Variants in ANO3 observed in about 807,000 individuals in gnomAD.
ANO3 encodes the protein anoctamin-3.
In ANO3, 99 loss-of-function variants were observed where a neutral mutation model predicts 144.8. That is an observed-to-expected ratio of 0.68 (90% CI 0.58 to 0.81). The LOEUF (loss-of-function observed/expected upper bound fraction) is 0.81. Ranked by LOEUF, ANO3 falls within the 30% of genes least tolerant of loss-of-function variation. ANO3 has a pLI of 0.00. For synonymous variants in ANO3, 414 were observed against 392.6 expected (o/e 1.05, Z -0.64); for missense variants, 905 against 1,202.2 (o/e 0.75, Z 3.66).
intron 5 of ANO3, among the ~76,000 whole-genome samples, chr11:26,509,113 A>C (rs1861551724): frequency 6.6e-6 from 1 of 150,960 alleles, no homozygotes; most frequent in East Asian, 1.9e-4. Flanking sequence ...CTCTATATAT[A>C]TATATATATT....
chr11:26,403,153 T>C (rs1590330795), intron 1 of ANO3, among the ~76,000 whole-genome samples: 1 of 152,106 alleles, frequency 6.6e-6, no homozygotes, highest in African/African-American at 2.4e-5. Flanking sequence ...CTGTATTTTC[T>C]GTAACTTGAA....
intron 14 of ANO3, among the ~76,000 whole-genome samples, chr11:26,578,894 G>A (rs1193540947): frequency 1.3e-5 from 2 of 152,130 alleles, no homozygotes; most frequent in Non-Finnish European, 2.9e-5. Context: ...TCAACAATAC[G>A]TGATATTCTG....
chr11:26,243,078 C>T (rs562677089), intron 1 of ANO3, among the ~76,000 whole-genome samples: 36 of 152,134 alleles, frequency 2.4e-4, no homozygotes, highest in Admixed American at 6.5e-4. Flanking sequence ...ACCAGCCACC[C>T]AAATGACTCT....
intron 14 of ANO3, among the ~76,000 whole-genome samples, chr11:26,571,699 A>T (rs1850834028): frequency 1.3e-5 from 2 of 152,168 alleles, no homozygotes; most frequent in Non-Finnish European, 2.9e-5. Flanking sequence ...CACTTTAAAC[A>T]TTTTGAAACC....
chr11:26,592,935 G>A (rs1851494761), intron 14 of ANO3, among the ~76,000 whole-genome samples: 1 of 152,082 alleles, frequency 6.6e-6, no homozygotes, highest in African/African-American at 2.4e-5. Flanking sequence ...TGGTTTCCCG[G>A]AGGGGATTAC....
chr11:26,609,384 G>T (rs941513977), intron 17 of ANO3, among the ~76,000 whole-genome samples: 1 of 151,618 alleles, frequency 6.6e-6, no homozygotes, highest in Non-Finnish European at 1.5e-5. Flanking sequence ...GATATCACAT[G>T]CAGGATTCAC....
intron 1 of ANO3, among the ~76,000 whole-genome samples, chr11:26,424,822 A>G (rs1444286644): frequency 6.6e-6 from 1 of 152,024 alleles, no homozygotes; most frequent in Non-Finnish European, 1.5e-5. Context: ...GGGGAACTGT[A>G]TGGTGTTTTA....
chr11:26,622,438 A>AAG (rs1327393416), intron 17 of ANO3, among the ~76,000 whole-genome samples: 1 of 151,490 alleles, frequency 6.6e-6, no homozygotes, highest in Non-Finnish European at 1.5e-5. Context: ...CTGAAAAAAA[A>AAG]AAAAAGAAAA....
intron 1 of ANO3, among the ~76,000 whole-genome samples, chr11:26,401,092 G>T (rs1436072879): frequency 2.0e-5 from 3 of 151,972 alleles, no homozygotes; most frequent in Non-Finnish European, 2.9e-5. Context: ...CAGGACATCT[G>T]TATAAAAGGT....
chr11:26,438,610 A>AAAAAAAAAAAAAAG (rs1858387567), intron 1 of ANO3, among the ~76,000 whole-genome samples: 84 of 73,830 alleles, frequency 1.1e-3, no homozygotes, highest in Non-Finnish European at 1.3e-3. Flanking sequence ...AAAAAAAAAG[A>AAAAAAAAAAAAAAG]AAAAAAAAAA....
At chr11:26,218,503 C>T (rs983747505) in intron 1 of ANO3, among the ~76,000 whole-genome samples, 1 of 152,042 alleles carries the variant, frequency 6.6e-6, no homozygotes, top group Non-Finnish European at 1.5e-5. Context: ...TTCTTCCCTA[C>T]GTCTTATTTG....
intron 20 of ANO3, 146 bp downstream of exon 20, chr11:26,635,216 T>C (rs1000518120): frequency 2.4e-5 from 15 of 614,964 alleles, no homozygotes; most frequent in African/African-American, 1.8e-5. Context: ...AGCAACTACA[T>C]CTTTTCAAAA....
At chr11:26,436,065 G>C (rs957417527) in intron 1 of ANO3, among the ~76,000 whole-genome samples, 1 of 152,132 alleles carries the variant, frequency 6.6e-6, no homozygotes, top group East Asian at 1.9e-4. Context: ...TGGTCATGTG[G>C]GGGCAGGGAG....
chr11:26,363,026 T>A (rs1855969051), intron 1 of ANO3, among the ~76,000 whole-genome samples: 1 of 152,216 alleles, frequency 6.6e-6, no homozygotes. Context: ...TGAGATCTGT[T>A]AAATGCATGT....
intron 14 of ANO3, chr11:26,561,037 G>A: frequency 6.3e-7 from 1 of 1,591,832 alleles, no homozygotes; most frequent in Non-Finnish European, 8.6e-7. Context: ...GATGACACTT[G>A]CTGTTTAACG....
chr11:26,276,811 T>G (rs1401376402), intron 1 of ANO3, among the ~76,000 whole-genome samples: 1 of 152,258 alleles, frequency 6.6e-6, no homozygotes, highest in Non-Finnish European at 1.5e-5. Context: ...TGGTTTTCAT[T>G]ACTTTTGGGC....
rs968462534 is a variant in ANO3 at position 26,350,596 on chromosome 11, CAG to C, written c.46+18276_46+18277del. Among the ~76,000 whole-genome samples, 75 of 152,172 alleles carry C rather than the reference CAG, an allele frequency of 4.9e-4. 1 individual carries two copies. The highest frequency in any genetic ancestry group is 4.3e-3 in the Admixed American group (66 of 15,276). ...GGCTTAATTCTGTGTTTAAGTGAAT[CAG>C]TGTTCAATCTTTTTTAAAGTTTCCA... On this transcript the variant is annotated intron_variant, in intron 1 of 26. Transcript: ENST00000256737.
At chr11:26,206,404 TTTTC>T (rs201845304) in intron 1 of ANO3, among the ~76,000 whole-genome samples, 1,680 of 152,294 alleles carry the variant, frequency 0.011, 29 homozygotes, top group African/African-American at 0.038. Context: ...AGTAAACTTA[TTTTC>T]TTTATCTCTG....
At chr11:26,498,448 A>T (rs1172455165) in intron 4 of ANO3, among the ~76,000 whole-genome samples, 7 of 151,050 alleles carry the variant, frequency 4.6e-5, no homozygotes. Flanking sequence ...CACATTATTT[A>T]CTCCCAAATT....
Sources: allele counts gnomAD v4.1 joint callset (sites outside exome capture counted in the v4.1 genomes callset), GRCh38; gene constraint gnomAD v4.1.1; transcripts MANE v1.5; gene names NCBI Gene and HGNC (gene_info 2026-07-23, HGNC 2026-07-21).